Variants in MCTP2 observed in about 807,000 individuals in gnomAD.
MCTP2 encodes multiple C2 and transmembrane domain-containing protein 2.
A neutral mutation model predicts 111.6 loss-of-function variants in MCTP2; 132 were observed. That is an observed-to-expected ratio of 1.18 (90% CI 1.03 to 1.37). The LOEUF is 1.37. Among genes scored for constraint, MCTP2 ranks in the 40% most tolerant of loss-of-function variants. The pLI is 0.00. For synonymous variants in MCTP2, 395 were observed against 387.7 expected (o/e 1.02, Z -0.22); for missense variants, 1,183 against 1,067.9 (o/e 1.11, Z -1.50).
chr15:94,376,765 T>C (rs981842734), intron 12 of MCTP2, among the ~76,000 whole-genome samples: 2 of 152,204 alleles, frequency 1.3e-5, no homozygotes, highest in Non-Finnish European at 2.9e-5. Flanking sequence ...ATGTTTCTTT[T>C]TGTTTCTATT....
At chr15:94,359,069 A>C (rs1182743859) in intron 10 of MCTP2, among the ~76,000 whole-genome samples, 1 of 152,080 alleles carries the variant, frequency 6.6e-6, no homozygotes, top group South Asian at 2.1e-4. Flanking sequence ...TTATTTCTTT[A>C]CTTTTGGACC....
Position 94,470,438 on chromosome 15 carries a change from C to T in MCTP2, c.2466C>T (p.Ile822=), listed in dbSNP as rs765877765. 3 of 1,602,962 alleles carry T rather than the reference C, an allele frequency of 1.9e-6. No individual in the cohort carries two copies. In the Admixed American group the frequency reaches 5.0e-5, roughly 27 times the overall value. The change falls in exon 21 of 23, where the codon ATC becomes ATT. Residue 822 remains isoleucine, a synonymous_variant. Transcript: ENST00000357742. ...YFIPLRYIIL[I]WGINKFTKKL... ...TTCCACTGCGGTACATCATTTTAAT[C>T]TGGGGTAAGTTTGGAATGGTCCTTT...
intron 12 of MCTP2, among the ~76,000 whole-genome samples, chr15:94,376,721 C>T (rs772181948): frequency 6.6e-6 from 1 of 152,192 alleles, no homozygotes; most frequent in Non-Finnish European, 1.5e-5. Context: ...TTTATCTCTT[C>T]AGCCACTTTT....
At chr15:94,452,787 T>C (rs188435085) in intron 19 of MCTP2, among the ~76,000 whole-genome samples, 50 of 152,338 alleles carry the variant, frequency 3.3e-4, no homozygotes, top group African/African-American at 1.2e-3. Flanking sequence ...TACCATACTT[T>C]GATAAACACA....
intron 4 of MCTP2, among the ~76,000 whole-genome samples, chr15:94,327,313 T>G (rs190420859): frequency 2.6e-5 from 4 of 152,220 alleles, no homozygotes; most frequent in Non-Finnish European, 1.5e-5. Flanking sequence ...GCTATCTATC[T>G]AACTAGGACT....
chr15:94,420,051 A>G (rs892351709), intron 17 of MCTP2, among the ~76,000 whole-genome samples: 10 of 152,144 alleles, frequency 6.6e-5, no homozygotes, highest in Non-Finnish European at 7.4e-5. Context: ...GCCAGTACTC[A>G]TTTAGCATTT....
At position 94,416,190 on chromosome 15, in the gene MCTP2, G is replaced by A. The variant is rs16949117; in HGVS notation, c.2085+14171G>A. Among the ~76,000 whole-genome samples the A allele has an allele frequency of 9.0e-3, 1,363 of 152,146 alleles. 54 individuals are homozygous for A. The highest frequency in any genetic ancestry group is 0.063 in the Admixed American group (954 of 15,246). ...GCAATATAATATTTACGTAGCTTCC[G>A]AAAGAGACCTGCAAGGATTCCCTGT... On this transcript the variant is annotated intron_variant, in intron 17 of 22. Coordinates refer to ENST00000357742, the MANE Select transcript of MCTP2 (RefSeq NM_001385001.1).
intron 4 of MCTP2, among the ~76,000 whole-genome samples, chr15:94,327,220 T>A (rs2076924649): frequency 6.6e-6 from 1 of 152,238 alleles, no homozygotes; most frequent in African/African-American, 2.4e-5. Flanking sequence ...AGTTTTACAT[T>A]TTTTCATTTA....
At chr15:94,354,700 GT>G (rs1399310895) in intron 8 of MCTP2, among the ~76,000 whole-genome samples, 1 of 152,164 alleles carries the variant, frequency 6.6e-6, no homozygotes, top group Non-Finnish European at 1.5e-5. Flanking sequence ...AATGTATTTT[GT>G]TTAAGATTGT....
At chr15:94,423,734 C>T (rs1185595982) in intron 17 of MCTP2, among the ~76,000 whole-genome samples, 1 of 152,116 alleles carries the variant, frequency 6.6e-6, no homozygotes, top group African/African-American at 2.4e-5. Flanking sequence ...CTTGGGAACC[C>T]TGAAATCATG....
At chr15:94,425,104 T>C (rs2152496802) in intron 17 of MCTP2, among the ~76,000 whole-genome samples, 1 of 152,324 alleles carries the variant, frequency 6.6e-6, no homozygotes. Flanking sequence ...AAAAATATTC[T>C]TTAATTTTGT....
At chr15:94,344,026 G>C (rs772598180) in intron 7 of MCTP2, 2 of 151,232 alleles carry the variant, frequency 1.3e-5, no homozygotes, top group Non-Finnish European at 2.9e-5. Context: ...TTGGTGGTTG[G>C]TTTGGGTGAA....
chr15:94,309,153 T>C (rs947889085), intron 2 of MCTP2, among the ~76,000 whole-genome samples: 2 of 152,226 alleles, frequency 1.3e-5, no homozygotes, highest in African/African-American at 4.8e-5. Context: ...TTTTGACCTC[T>C]CATTGCCATG....
At chr15:94,245,722 A>G (rs867223102) in intron 1 of MCTP2, among the ~76,000 whole-genome samples, 1,627 of 147,468 alleles carry the variant, frequency 0.011, 26 homozygotes, top group African/African-American at 0.038. Context: ...GTGTGTATAT[A>G]TATATATATA....
intron 2 of MCTP2, among the ~76,000 whole-genome samples, chr15:94,306,849 A>G (rs1020465832): frequency 2.6e-5 from 4 of 152,216 alleles, no homozygotes; most frequent in Admixed American, 1.3e-4. Flanking sequence ...TGGCAACTGC[A>G]TAGCTTCAGG....
intron 18 of MCTP2, among the ~76,000 whole-genome samples, chr15:94,440,971 C>G (rs1200609837): frequency 6.6e-6 from 1 of 152,258 alleles, no homozygotes; most frequent in South Asian, 2.1e-4. Flanking sequence ...CTGCTCTGCT[C>G]TAGGTGGCCA....
At chr15:94,245,306 A>G (rs937572313) in intron 1 of MCTP2, among the ~76,000 whole-genome samples, 7 of 142,502 alleles carry the variant, frequency 4.9e-5, no homozygotes, top group Non-Finnish European at 1.1e-4. Flanking sequence ...ATTTATATAC[A>G]TATATGTACA....
chr15:94,478,324 C>A (rs2074531769), intron 22 of MCTP2, among the ~76,000 whole-genome samples: 1 of 152,190 alleles, frequency 6.6e-6, no homozygotes, highest in South Asian at 2.1e-4. Context: ...AAAGAACATT[C>A]CAGGAAGATG....
intron 14 of MCTP2, among the ~76,000 whole-genome samples, chr15:94,391,010 G>A (rs1454102341): frequency 2.6e-5 from 4 of 152,088 alleles, no homozygotes; most frequent in African/African-American, 9.7e-5. Flanking sequence ...GATTACAGGC[G>A]TGAGCCACCA....
Sources: gnomAD v4.1 joint callset for allele counts (sites outside exome capture counted in the v4.1 genomes callset) on GRCh38, gnomAD v4.1.1 for gene constraint, MANE v1.5 for transcripts, NCBI Gene and HGNC (gene_info 2026-07-23, HGNC 2026-07-21) for gene names.